ZNF140: variants seen among roughly 807,000 people sequenced by gnomAD.
ZNF140 encodes zinc finger protein 140 (clone pHZ-39).
ZNF140 carries 13 observed loss-of-function variants against 12.9 expected under a neutral mutation model. The ratio of observed to expected loss-of-function variants is 1.01; its 90% confidence interval spans 0.66 to 1.60. ZNF140 has a LOEUF of 1.60. Ranked by LOEUF, ZNF140 falls within the 40% of genes most tolerant of loss-of-function variation. ZNF140 has a pLI of 0.00. For missense variants in ZNF140, 531 were observed against 548.8 expected (o/e 0.97, Z 0.32); for synonymous variants, 214 against 186.7 (o/e 1.15, Z -1.19).
chr12:133,106,808 A>G lies in ZNF140; in HGVS notation c.*157A>G, dbSNP rs1048042594. 10 of 589,124 alleles carry G rather than the reference A, an allele frequency of 1.7e-5. 1 individual carries two copies. The highest frequency in any genetic ancestry group is 2.4e-5 in the Non-Finnish European group (9 of 375,766). 36.5% of individuals were successfully genotyped at this position (589,124 alleles called of 1,614,324 possible). A position where few individuals can be genotyped will look rare whatever the true frequency, so the allele number is the denominator to read the frequency against. On this transcript the variant is annotated 3_prime_UTR_variant, in exon 5 of 5. Transcript: ENST00000355557. ...TATTCACCACCCTGGAGAAAAAAAA[A>G]CCCAGGAATATGTGGAAAAGCCATT... is the stretch of plus-strand genomic sequence containing the variant.
intron 3 of ZNF140, 95 bp downstream of exon 3, chr12:133,083,324 G>GT: frequency 6.6e-7 from 1 of 1,513,178 alleles, no homozygotes; most frequent in Non-Finnish European, 8.9e-7. Context: ...GAGGTATGGG[G>GT]TTTCTTAAAA....
At position 133,095,795 on chromosome 12, in the gene ZNF140, A is replaced by G. The variant is rs762366823; in HGVS notation, c.233-9715A>G. Reference sequence around the variant, plus strand: ...AGGTACTATGCCTGGATGTGCACGTAATCCAGATTTATGTTTCTCTCCACC... The same window carrying G: ...AGGTACTATGCCTGGATGTGCACGTGATCCAGATTTATGTTTCTCTCCACC... On this transcript the variant is annotated intron_variant, in intron 4 of 4. Coordinates refer to ENST00000355557, the MANE Select transcript of ZNF140 (RefSeq NM_003440.4). Among the ~76,000 whole-genome samples the G allele has an allele frequency of 2.7e-3, 418 of 152,016 alleles. 2 individuals are homozygous for G. The highest frequency in any genetic ancestry group is 4.4e-3 in the Non-Finnish European group (299 of 67,954).
intron 4 of ZNF140, among the ~76,000 whole-genome samples, chr12:133,101,244 C>G (rs1198468701): frequency 6.6e-6 from 1 of 152,112 alleles, no homozygotes; most frequent in Non-Finnish European, 1.5e-5. Context: ...TCATTATTTC[C>G]TCAAAGACTG....
rs557233170 is a variant in ZNF140, at chr12:133,104,823, G to A, written c.233-687G>A. ...ATTTTTCTGTCCAACTTTCATTTTAGGTTAAAGGTTACTCATGTTACATGA... is the reference window on the plus strand; with the variant it reads ...ATTTTTCTGTCCAACTTTCATTTTAAGTTAAAGGTTACTCATGTTACATGA... On this transcript the variant is annotated intron_variant, in intron 4 of 4. Transcript: ENST00000355557. Among the ~76,000 whole-genome samples the A allele has an allele frequency of 1.9e-3, 290 of 152,174 alleles. 9 individuals carry two copies. In the South Asian group the frequency reaches 0.058, roughly 30 times the overall value.
At position 133,101,596 on chromosome 12, in the gene ZNF140, T is replaced by G. The variant is rs367546628; in HGVS notation, c.233-3914T>G. Among the ~76,000 whole-genome samples, 10 of 152,106 alleles carry G rather than the reference T, an allele frequency of 6.6e-5. No individual in the cohort carries two copies. The East Asian group carries it at 1.4e-3, about 21-fold the overall frequency. ...AGTAGCTGGGACTACAGGCAGTCGC[T>G]ACCACGCCCGGCTAATTTTTTGTAT... On this transcript the variant is annotated intron_variant, in intron 4 of 4. Transcript: ENST00000355557.
intron 4 of ZNF140, among the ~76,000 whole-genome samples, chr12:133,101,793 TTTTCA>T (rs1157515983): frequency 1.3e-5 from 2 of 152,178 alleles, no homozygotes; most frequent in Non-Finnish European, 1.5e-5. Context: ...TTTCTTAAAA[TTTTCA>T]TTTATCTCCT....
At chr12:133,086,083 TACC>T (rs1432993993) in intron 4 of ZNF140, among the ~76,000 whole-genome samples, 2 of 152,254 alleles carry the variant, frequency 1.3e-5, no homozygotes, top group African/African-American at 4.8e-5. Flanking sequence ...ACGATAAGTA[TACC>T]ACAATTTATT....
At chr12:133,099,283 C>G (rs1183004716) in intron 4 of ZNF140, among the ~76,000 whole-genome samples, 1 of 152,140 alleles carries the variant, frequency 6.6e-6, no homozygotes, top group Non-Finnish European at 1.5e-5. Flanking sequence ...AGACATTGTC[C>G]TGCCTCAGCT....
intron 4 of ZNF140, among the ~76,000 whole-genome samples, chr12:133,090,658 G>A (rs1037451363): frequency 8.8e-6 from 1 of 113,836 alleles, no homozygotes; most frequent in African/African-American, 2.8e-5. Context: ...CAGGGGACCA[G>A]CACTCAGCAT....
At chr12:133,094,895 T>G (rs1345900803) in intron 4 of ZNF140, among the ~76,000 whole-genome samples, 3 of 151,520 alleles carry the variant, frequency 2.0e-5, no homozygotes, top group Admixed American at 2.0e-4. Flanking sequence ...TGTAATTGAT[T>G]GTAGTCAACA....
At position 133,091,113 on chromosome 12, in the gene ZNF140, C is replaced by T. The variant is rs1283834250; in HGVS notation, c.232+7552C>T. 2.5e-3 allele frequency among the ~76,000 whole-genome samples: 373 copies of T among 147,996 alleles called. 7 individuals are homozygous for T. Among genetic ancestry groups the T allele is most frequent in the South Asian group, 4.6e-3 (21 of 4,556 alleles). On this transcript the variant is annotated intron_variant, in intron 4 of 4. Coordinates refer to ENST00000355557, the MANE Select transcript of ZNF140 (RefSeq NM_003440.4). Reference sequence around the variant, plus strand: ...CATCCATCTCAGCACAGACCTTTTACAGGTGTCGGGCTGGGGGACGGTCAG... The same window carrying T: ...CATCCATCTCAGCACAGACCTTTTATAGGTGTCGGGCTGGGGGACGGTCAG...
chr12:133,095,773 T>C (rs1955072055), intron 4 of ZNF140, among the ~76,000 whole-genome samples: 1 of 151,040 alleles, frequency 6.6e-6, no homozygotes, highest in Non-Finnish European at 1.5e-5. Flanking sequence ...TAAGGGAAGG[T>C]ACTATGCCTG....
intron 3 of ZNF140, 62 bp from the exon 4 acceptor site, chr12:133,083,404 C>T: frequency 7.0e-6 from 11 of 1,560,492 alleles, no homozygotes; most frequent in Admixed American, 2.0e-5. Flanking sequence ...CTGACATTTC[C>T]TTTGTGGCCC....
At chr12:133,103,251 G>C (rs1032948269) in intron 4 of ZNF140, among the ~76,000 whole-genome samples, 17 of 152,118 alleles carry the variant, frequency 1.1e-4, no homozygotes, top group African/African-American at 3.1e-4. Context: ...TACCATGCAA[G>C]AGAACACCTG....
chr12:133,106,952 G>C lies in ZNF140; in HGVS notation c.*301G>C, dbSNP rs964059801. On this transcript the variant is annotated 3_prime_UTR_variant, in exon 5 of 5. Coordinates refer to ENST00000355557, the MANE Select transcript of ZNF140 (RefSeq NM_003440.4). Reference sequence around the variant, plus strand: ...GGTAGGAGTCCCTTACTTTACGTGTGTAAATTCCTACCAGGAAAGAATACA... The same window carrying C: ...GGTAGGAGTCCCTTACTTTACGTGTCTAAATTCCTACCAGGAAAGAATACA... 4 of 212,840 alleles carry C rather than the reference G, an allele frequency of 1.9e-5. No individual in the cohort carries two copies. The highest frequency in any genetic ancestry group is 9.3e-5 in the African/African-American group (4 of 43,150). The allele number at this position is 212,840 out of a possible 1,614,324, so 13.2% of individuals were successfully genotyped here.
intron 4 of ZNF140, among the ~76,000 whole-genome samples, chr12:133,091,575 C>T (rs764829277): frequency 3.3e-5 from 5 of 150,550 alleles, no homozygotes; most frequent in Non-Finnish European, 7.4e-5. Context: ...ACAAAACCGC[C>T]ATCGTCATCA....
chr12:133,084,395 T>G (rs1371770568), intron 4 of ZNF140, among the ~76,000 whole-genome samples: 2 of 152,234 alleles, frequency 1.3e-5, no homozygotes, highest in Non-Finnish European at 2.9e-5. Context: ...CTCAAGACTT[T>G]CTATTAAGTG....
intron 4 of ZNF140, chr12:133,101,041 TGTTCCTTTATAGGTAAG>T (rs1282513359): frequency 2.3e-6 from 1 of 440,718 alleles, no homozygotes. Flanking sequence ...TTCCCAGCCT[TGTTCCTTTATAGGTAAG>T]GTTTTTTTCC....
chr12:133,089,325 C>T (rs1023776514), intron 4 of ZNF140, among the ~76,000 whole-genome samples: 19 of 152,064 alleles, frequency 1.2e-4, no homozygotes, highest in African/African-American at 4.6e-4. Context: ...GTGATCCTCC[C>T]GTCTCAGCCT....
Sources: allele counts gnomAD v4.1 joint callset (sites outside exome capture counted in the v4.1 genomes callset), GRCh38; gene constraint gnomAD v4.1.1; transcripts MANE v1.5; gene names NCBI Gene and HGNC (gene_info 2026-07-23, HGNC 2026-07-21).